The following GOT1 variants were observed in gnomAD, a reference collection of about 807,000 sequenced individuals.
GOT1 encodes glutamic-oxaloacetic transaminase 1, also known as aspartate aminotransferase, cytoplasmic.
GOT1 carries 25 observed loss-of-function variants against 48.2 expected under a neutral mutation model. The observed-to-expected ratio is 0.52, with a 90% CI of 0.38 to 0.72. The LOEUF is 0.72. GOT1 is among the 30% of genes least tolerant of loss of function. GOT1 has a pLI of 0.00. For synonymous variants in GOT1, 188 were observed against 193.8 expected (o/e 0.97, Z 0.25); for missense variants, 380 against 520.1 (o/e 0.73, Z 2.62).
intron 2 of GOT1, among the ~76,000 whole-genome samples, chr10:99,418,251 T>C (rs1182765875): frequency 6.6e-6 from 1 of 151,850 alleles, no homozygotes; most frequent in East Asian, 1.9e-4. Flanking sequence ...GAGGGAGGGC[T>C]ATGTTCCCAG....
At chr10:99,413,409 G>A (rs1212036481) in intron 2 of GOT1, among the ~76,000 whole-genome samples, 4 of 152,092 alleles carry the variant, frequency 2.6e-5, no homozygotes, top group African/African-American at 7.2e-5. Context: ...AAAAAGAAAC[G>A]AACAAAGCCT....
intron 7 of GOT1, among the ~76,000 whole-genome samples, chr10:99,403,194 G>A (rs868288423): frequency 2.0e-5 from 3 of 151,774 alleles, no homozygotes; most frequent in South Asian, 4.2e-4. Flanking sequence ...ACCTTCTTGG[G>A]TTTTCCAACT....
chr10:99,408,439 G>A (rs780694045), intron 2 of GOT1, among the ~76,000 whole-genome samples: 5 of 152,140 alleles, frequency 3.3e-5, no homozygotes, highest in Admixed American at 2.6e-4. Context: ...CTATCTAGCC[G>A]GGCGCAGTGG....
At chr10:99,413,240 C>G (rs1197991285) in intron 2 of GOT1, among the ~76,000 whole-genome samples, 1 of 152,146 alleles carries the variant, frequency 6.6e-6, no homozygotes, top group Non-Finnish European at 1.5e-5. Flanking sequence ...CAGAGAAGTA[C>G]TTAAAGGACC....
intron 2 of GOT1, among the ~76,000 whole-genome samples, chr10:99,411,032 G>T (rs914857489): frequency 2.6e-5 from 4 of 152,242 alleles, no homozygotes; most frequent in Non-Finnish European, 5.9e-5. Context: ...GGAGCTGCCT[G>T]TGGCCAGAGC....
intron 2 of GOT1, 139 bp from the exon 3 acceptor site, chr10:99,406,988 C>T (rs1040539989): frequency 2.8e-6 from 2 of 725,170 alleles, no homozygotes; most frequent in Admixed American, 2.6e-5. Flanking sequence ...CAAAACCTTA[C>T]AACTACTACA....
At position 99,405,755 on chromosome 10, in the gene GOT1, C is replaced by T; in HGVS notation, c.642+1G>A. ...AAGAGATGCTCTGAAGGGGCAGTTA[C>T]CTTCATGACAGAAGCAATCTGCTTC... On this transcript the variant is annotated splice_donor_variant, in intron 5 of 8. Coordinates refer to ENST00000370508, the MANE Select transcript of GOT1 (RefSeq NM_002079.3). LOFTEE classifies it high-confidence loss of function. 1.4e-6 allele frequency: 2 copies of T among 1,477,500 alleles called. No individual in the cohort carries two copies. Among genetic ancestry groups the T allele is most frequent in the Non-Finnish European group, 1.9e-6 (2 of 1,055,398 alleles). The allele number at this position is 1,477,500 out of a possible 1,614,324, so 91.5% of individuals were successfully genotyped here.
At chr10:99,418,981 G>A (rs2032934004) in intron 2 of GOT1, among the ~76,000 whole-genome samples, 1 of 152,150 alleles carries the variant, frequency 6.6e-6, no homozygotes, top group Admixed American at 6.5e-5. Flanking sequence ...AAACCTTAAT[G>A]AAGTTCATTA....
At chr10:99,410,506 A>G (rs1246629959) in intron 2 of GOT1, among the ~76,000 whole-genome samples, 4 of 152,234 alleles carry the variant, frequency 2.6e-5, no homozygotes, top group South Asian at 2.1e-4. Flanking sequence ...AGTAGAATAC[A>G]TTAAAAATGT....
intron 2 of GOT1, among the ~76,000 whole-genome samples, chr10:99,408,150 C>T (rs2032784922): frequency 6.6e-6 from 1 of 152,104 alleles, no homozygotes; most frequent in Non-Finnish European, 1.5e-5. Context: ...AAGTCTATAT[C>T]CCCTGAAACA....
intron 2 of GOT1, among the ~76,000 whole-genome samples, chr10:99,417,054 T>G (rs942471819): frequency 9.2e-5 from 14 of 152,214 alleles, no homozygotes; most frequent in African/African-American, 1.7e-4. Flanking sequence ...AAAAGCAATG[T>G]CAACAAAAGC....
At chr10:99,429,010 C>T (rs1176954220) in intron 1 of GOT1, among the ~76,000 whole-genome samples, 1 of 151,944 alleles carries the variant, frequency 6.6e-6, no homozygotes, top group African/African-American at 2.4e-5. Context: ...CATCACTTTT[C>T]AATGGATTTT....
chr10:99,406,774 C>T lies in GOT1; in HGVS notation c.376G>A (p.Gly126Arg). Residue 126 changes from glycine (G) to arginine (R), a missense_variant, in exon 3 of 9, where the codon GGA becomes AGA. Physicochemically the swap from Gly to Arg is moderately radical, Grantham distance 125. Transcript: ENST00000370508. ...ACAGGTGTGTTCTTGTTGTTTGTTC[C>T]ATTGTACCAACGCGCTAAGAAATCA... Reference protein sequence around the residue: ...GADFLARWYNGTNNKNTPVYV... With the variant: ...GADFLARWYNRTNNKNTPVYV... 6.2e-7 allele frequency: 1 copy of T among 1,613,902 alleles called. No homozygotes were observed. Among genetic ancestry groups the T allele is most frequent in the Non-Finnish European group, 8.5e-7 (1 of 1,179,816 alleles).
chr10:99,422,011 G>A (rs760841553), intron 1 of GOT1, among the ~76,000 whole-genome samples: 21 of 152,134 alleles, frequency 1.4e-4, no homozygotes, highest in Non-Finnish European at 2.1e-4. Context: ...GTGAGAAGGC[G>A]ATGAGATTTG....
chr10:99,400,006 C>G (rs1589933675), intron 8 of GOT1, among the ~76,000 whole-genome samples: 1 of 152,128 alleles, frequency 6.6e-6, no homozygotes, highest in East Asian at 1.9e-4. Flanking sequence ...AAGCCTGTGC[C>G]CTGAGGCAGT....
chr10:99,423,490 C>G (rs1462739257), intron 1 of GOT1, among the ~76,000 whole-genome samples: 1 of 152,156 alleles, frequency 6.6e-6, no homozygotes, highest in African/African-American at 2.4e-5. Context: ...AGGAATATGT[C>G]ATCTGCAAAT....
rs1235309881 is a variant in GOT1, at chr10:99,397,973, C to T, written c.1103-287G>A. Among the ~76,000 whole-genome samples, 1 of 152,132 alleles carries T rather than the reference C, an allele frequency of 6.6e-6. No homozygotes were observed. The highest frequency in any genetic ancestry group is 1.5e-5 in the Non-Finnish European group (1 of 68,014). On this transcript the variant is annotated intron_variant, in intron 8 of 8. Coordinates refer to ENST00000370508, the MANE Select transcript of GOT1 (RefSeq NM_002079.3). The surrounding 1 kb of genome is among the most constrained non-coding windows in gnomAD (Gnocchi z 5.4). ...CCAACCAAGCCTTATACATTATATC[C>T]ACCAGGACACCCCTATCACCTAAAA...
At chr10:99,426,929 T>A (rs2033044150) in intron 1 of GOT1, among the ~76,000 whole-genome samples, 1 of 152,116 alleles carries the variant, frequency 6.6e-6, no homozygotes, top group Admixed American at 6.5e-5. Flanking sequence ...TTCCCTAAGG[T>A]CAATGATTAA....
chr10:99,424,002 C>T (rs1486445613), intron 1 of GOT1, among the ~76,000 whole-genome samples: 1 of 152,116 alleles, frequency 6.6e-6, no homozygotes, highest in East Asian at 1.9e-4. Context: ...CCTTAGTCCA[C>T]CAAACTTCTC....
Sources: allele counts gnomAD v4.1 joint callset (sites outside exome capture counted in the v4.1 genomes callset), GRCh38; gene constraint gnomAD v4.1.1; non-coding constraint Gnocchi (gnomAD v3.1); transcripts MANE v1.5; gene names NCBI Gene and HGNC (gene_info 2026-07-23, HGNC 2026-07-21).